The following C6orf118 variants were observed in gnomAD, a reference collection of about 807,000 sequenced individuals.
The protein encoded by C6orf118 is uncharacterized protein C6orf118.
A neutral mutation model predicts 50.2 loss-of-function variants in C6orf118; 50 were observed. The ratio of observed to expected loss-of-function variants is 1.00; its 90% CI spans 0.79 to 1.26. C6orf118 has a LOEUF of 1.26. Among genes scored for constraint, C6orf118 ranks in the 50% most tolerant of loss-of-function variants. The pLI is 0.00. For missense variants in C6orf118, 641 were observed against 578.7 expected, an observed-to-expected ratio of 1.11 and a Z score of -1.10; for synonymous variants, 239 against 230.9, an observed-to-expected ratio of 1.03 and a Z score of -0.32.
chr6:165,306,606 A>C (rs1780746855), intron 1 of C6orf118, among the ~76,000 whole-genome samples: 1 of 149,586 alleles, frequency 6.7e-6, no homozygotes, highest in African/African-American at 2.5e-5. Flanking sequence ...AATCATTGTA[A>C]TTCGTCAAAG....
chr6:165,299,513 A>G lies in C6orf118; in HGVS notation c.877-11T>C, dbSNP rs1247300478. On this transcript the variant is annotated splice_polypyrimidine_tract_variant and intron_variant, in intron 3 of 8. Transcript: ENST00000230301. ...GAGTTCATATTCATCCTGTACAGAA[A>G]CAAACAAAAGTCCACTGGCCATGTA... The G allele has an allele frequency of 1.9e-6, 3 of 1,613,728 alleles. No homozygotes were observed. Among genetic ancestry groups the G allele is most frequent in the Non-Finnish European group, 8.5e-7 (1 of 1,179,800 alleles).
At chr6:165,300,195 T>A (rs966382856) in intron 3 of C6orf118, among the ~76,000 whole-genome samples, 169 bp downstream of exon 3, 2 of 152,122 alleles carry the variant, frequency 1.3e-5, no homozygotes, top group Non-Finnish European at 2.9e-5. Flanking sequence ...CCCCTTACAA[T>A]TTACGTGCCT....
intron 8 of C6orf118, among the ~76,000 whole-genome samples, chr6:165,280,886 C>T (rs930359858): frequency 2.4e-4 from 36 of 152,304 alleles, no homozygotes; most frequent in African/African-American, 8.7e-4. Context: ...AAGCCACCTA[C>T]ACCTAAAAAT....
chr6:165,283,856 C>T (rs762825881), intron 7 of C6orf118, among the ~76,000 whole-genome samples: 10 of 152,130 alleles, frequency 6.6e-5, no homozygotes, highest in Non-Finnish European at 1.5e-4. Flanking sequence ...TAGATAAGTG[C>T]ATGAAGATGA....
At chr6:165,297,077 C>G (rs1400207719) in intron 5 of C6orf118, among the ~76,000 whole-genome samples, 3 of 152,158 alleles carry the variant, frequency 2.0e-5, no homozygotes, top group African/African-American at 7.2e-5. Context: ...CCCAAAGCTC[C>G]ATCAGGGGAG....
In C6orf118 at chr6:165,306,669, GGAA is replaced by G. The variant is rs774911204; in HGVS notation, c.25+2890_25+2892del. 1.1e-4 allele frequency among the ~76,000 whole-genome samples: 16 copies of G among 151,960 alleles called. No individual in the cohort carries two copies. The East Asian group carries it at 2.9e-3, about 28-fold the overall frequency. ...ACCTTGTACCAACTCTATGGAAGAT[GGAA>G]GAAGGAGGCGACTTCATTGCTGTTG... On this transcript the variant is annotated intron_variant, in intron 1 of 8. Transcript: ENST00000230301.
At chr6:165,293,127 T>A in intron 6 of C6orf118, 1 of 357,810 alleles carries the variant, frequency 2.8e-6, no homozygotes, top group South Asian at 5.1e-5. Context: ...AAAATGTTAA[T>A]ATCTATTTCA....
chr6:165,307,371 C>T (rs1780778877), intron 1 of C6orf118, among the ~76,000 whole-genome samples: 1 of 151,618 alleles, frequency 6.6e-6, no homozygotes, highest in South Asian at 2.1e-4. Context: ...CCAGTCTGGC[C>T]AACCTGGCAA....
At chr6:165,293,053 A>AT (rs1780160577) in intron 6 of C6orf118, 1 of 224,286 alleles carries the variant, frequency 4.5e-6, no homozygotes, top group African/African-American at 2.3e-5. Context: ...ACTTAAACTT[A>AT]TTTTTATCAT....
In C6orf118 at chr6:165,280,033, G is replaced by A; in HGVS notation, c.*24C>T. ...ACATGGAAGTTAAGAATTTCCACTG[G>A]CCATTTGTTCAGCCACTTGAGCGTT... On this transcript the variant is annotated 3_prime_UTR_variant, in exon 9 of 9. Coordinates refer to ENST00000230301, the MANE Select transcript of C6orf118 (RefSeq NM_144980.4). 1.9e-6 allele frequency: 3 copies of A among 1,593,138 alleles called. No homozygotes were observed. Among genetic ancestry groups the A allele is most frequent in the Non-Finnish European group, 2.6e-6 (3 of 1,174,252 alleles).
chr6:165,299,103 G>C (rs1379325822), intron 4 of C6orf118, among the ~76,000 whole-genome samples: 1 of 152,188 alleles, frequency 6.6e-6, no homozygotes, highest in Admixed American at 6.5e-5. Flanking sequence ...CAGCACACCA[G>C]CCATCACAAT....
At chr6:165,287,081 T>C (rs1005384658) in intron 7 of C6orf118, among the ~76,000 whole-genome samples, 3 of 152,150 alleles carry the variant, frequency 2.0e-5, no homozygotes, top group Non-Finnish European at 4.4e-5. Context: ...TTCAGCAAAG[T>C]CTCAGGATAC....
intron 4 of C6orf118, 31 bp downstream of exon 4, chr6:165,299,412 T>C: frequency 1.2e-6 from 2 of 1,604,742 alleles, no homozygotes; most frequent in South Asian, 1.1e-5. Context: ...ATAAGCAGGC[T>C]CTATTCAGGC....
At chr6:165,303,044 T>A (rs1780618989) in intron 1 of C6orf118, among the ~76,000 whole-genome samples, 1 of 152,254 alleles carries the variant, frequency 6.6e-6, no homozygotes, top group African/African-American at 2.4e-5. Context: ...CCCCTTCATT[T>A]GCTGTTTTCT....
chr6:165,302,856 CAG>C (rs576973668), intron 1 of C6orf118, among the ~76,000 whole-genome samples: 57 of 152,290 alleles, frequency 3.7e-4, no homozygotes, highest in Admixed American at 2.0e-3. Flanking sequence ...TCTGCAACAT[CAG>C]AGTCATCATC....
intron 5 of C6orf118, 92 bp downstream of exon 5, chr6:165,297,885 G>A: frequency 6.4e-7 from 1 of 1,571,502 alleles, no homozygotes; most frequent in Non-Finnish European, 8.7e-7. Context: ...CAGCAACGCA[G>A]AAATCAATGT....
chr6:165,288,812 A>G lies in C6orf118; in HGVS notation c.1302+1074T>C, dbSNP rs150743645. ...GGGTGAAGGGAGGTAAAACATCAGG[A>G]AAAATAGCTAATGCATGTTGGGTTT... On this transcript the variant is annotated intron_variant, in intron 7 of 8. Coordinates refer to ENST00000230301, the MANE Select transcript of C6orf118 (RefSeq NM_144980.4). 3.4e-4 allele frequency among the ~76,000 whole-genome samples: 51 copies of G among 152,202 alleles called. No homozygotes were observed. In the East Asian group the frequency reaches 9.5e-3, roughly 28 times the overall value.
chr6:165,281,640 T>C lies in C6orf118; in HGVS notation c.1356A>G (p.Lys452=). ...TENMILKKKI[K]GPLEIYQGIC... ...ACATTGATTCACACAAAAAACTTAC[T>C]TTTATTTTCTTCTTTAAAATCATAT... Residue 452 remains lysine (K), a splice_region_variant and synonymous_variant, in exon 8 of 9, where the codon AAA becomes AAG. Transcript: ENST00000230301. 3 of 1,493,776 alleles carry C rather than the reference T, an allele frequency of 2.0e-6. No individual in the cohort carries two copies. The highest frequency in any genetic ancestry group is 1.4e-5 in the African/African-American group (1 of 70,154). The allele number at this position is 1,493,776 out of a possible 1,614,324, so 92.5% of individuals were successfully genotyped here. A position where few individuals can be genotyped will look rare whatever the true frequency, so the allele number is the denominator to read the frequency against.
At chr6:165,292,757 C>T (rs981046492) in intron 6 of C6orf118, among the ~76,000 whole-genome samples, 1 of 152,152 alleles carries the variant, frequency 6.6e-6, no homozygotes, top group Non-Finnish European at 1.5e-5. Flanking sequence ...AATCAGGCGA[C>T]AAGAAACCTG....
Sources: allele counts gnomAD v4.1 joint callset (sites outside exome capture counted in the v4.1 genomes callset), GRCh38; gene constraint gnomAD v4.1.1; transcripts MANE v1.5; gene names NCBI Gene and HGNC (gene_info 2026-07-23, HGNC 2026-07-21).